HYDIN: variants seen among roughly 807,000 people sequenced by gnomAD.
HYDIN encodes the protein HYDIN axonemal central pair apparatus protein.
In HYDIN, 132 loss-of-function variants were observed where a neutral mutation model predicts 403.9. The observed-to-expected ratio is 0.33, with a 90% CI of 0.28 to 0.38. The LOEUF (loss-of-function observed/expected upper bound fraction) is 0.38, where lower values mean the gene tolerates loss of function less well. Among genes scored for constraint, HYDIN ranks in the 10% least tolerant of loss-of-function variants. The probability of loss-of-function intolerance (pLI) is 1.00; values close to 1 mark genes in which losing one functional copy is unlikely to be tolerated. For synonymous variants in HYDIN, 1,202 were observed against 1,891.7 expected (o/e 0.64, Z 9.46); for missense variants, 2,827 against 5,009.5 (o/e 0.56, Z 13.15).
intron 7 of HYDIN, among the ~76,000 whole-genome samples, chr16:71,151,112 A>G (rs2085520753): frequency 6.6e-6 from 1 of 152,180 alleles, no homozygotes; most frequent in Admixed American, 6.5e-5. Context: ...TGACACAACT[A>G]TCTTGGAAAA....
Position 71,211,310 on chromosome 16 carries a change from A to G in HYDIN, c.-24+19252T>C, listed in dbSNP as rs376120859. ...CATGAGCTAGGCTTGGGGTATTCCC[A>G]GACTAAAAGATGCTGAGGTACCTGG... is the stretch of plus-strand genomic sequence containing the variant. On this transcript the variant is annotated intron_variant, in intron 1 of 85. Transcript: ENST00000393567. Among the ~76,000 whole-genome samples, 95 of 152,328 alleles carry G rather than the reference A, an allele frequency of 6.2e-4. 1 individual carries two copies. In the South Asian group the frequency reaches 0.018, roughly 29 times the overall value.
intron 8 of HYDIN, among the ~76,000 whole-genome samples, chr16:71,134,130 C>T (rs1010447934): frequency 6.6e-6 from 1 of 151,926 alleles, no homozygotes; most frequent in African/African-American, 2.4e-5. Context: ...AAGAGATATC[C>T]AAGTCTTTGC....
intron 5 of HYDIN, among the ~76,000 whole-genome samples, chr16:71,172,699 A>G (rs1597944846): frequency 1.3e-5 from 2 of 152,320 alleles, no homozygotes; most frequent in South Asian, 2.1e-4. Context: ...ATACATGGGT[A>G]CTGAAAATCC....
chr16:70,892,604 T>G (rs1349026448), intron 55 of HYDIN, 75 bp from the exon 56 acceptor site: 23 of 1,517,866 alleles, frequency 1.5e-5, no homozygotes, highest in Non-Finnish European at 1.9e-5. Context: ...AGACTCTAGA[T>G]GGTTGAGTGC....
chr16:70,910,510 A>G (rs2076666704), intron 47 of HYDIN, among the ~76,000 whole-genome samples: 1 of 152,170 alleles, frequency 6.6e-6, no homozygotes, highest in Non-Finnish European at 1.5e-5. Flanking sequence ...TGGTTCCACC[A>G]TTTTGCAATT....
intron 29 of HYDIN, among the ~76,000 whole-genome samples, chr16:70,980,229 T>C (rs1473394496): frequency 1.3e-5 from 2 of 149,774 alleles, no homozygotes; most frequent in East Asian, 1.9e-4. Flanking sequence ...TTGCCAGGCA[T>C]TGTGGCTCAA....
chr16:70,825,091 CAAGTTTTGCTGTCATAA>C, intron 83 of HYDIN, among the ~76,000 whole-genome samples: 1 of 152,096 alleles, frequency 6.6e-6, no homozygotes, highest in Non-Finnish European at 1.5e-5. Context: ...CTTGCATGTC[CAAGTTTTGCTGTCATAA>C]GAGTTTTGTC....
intron 18 of HYDIN, among the ~76,000 whole-genome samples, chr16:71,033,523 A>C (rs2080985744): frequency 7.9e-5 from 12 of 152,060 alleles, no homozygotes; most frequent in Admixed American, 7.9e-4. Flanking sequence ...GCAAACAAAC[A>C]CAGGAACATA....
chr16:71,051,686 T>A (rs539899772), intron 18 of HYDIN, among the ~76,000 whole-genome samples: 1 of 151,056 alleles, frequency 6.6e-6, no homozygotes, highest in Non-Finnish European at 1.5e-5. Flanking sequence ...AAGAAACATT[T>A]GAGGCTTTTT....
intron 80 of HYDIN, among the ~76,000 whole-genome samples, chr16:70,830,967 CTGT>C (rs1443244745): frequency 1.3e-5 from 2 of 151,568 alleles, no homozygotes; most frequent in African/African-American, 2.4e-5. Context: ...GTTGTTATTA[CTGT>C]TGTTGTTTTG....
At chr16:70,894,887 T>C (rs1015631967) in intron 54 of HYDIN, among the ~76,000 whole-genome samples, 22 of 151,538 alleles carry the variant, frequency 1.5e-4, no homozygotes, top group Non-Finnish European at 2.7e-4. Flanking sequence ...TTTTACTTAG[T>C]ATTACTTCAT....
rs377506652 is a variant in HYDIN, at chr16:70,920,754, G to A, written c.7622C>T (p.Ala2541Val). ...CTCCCAGTCGCTCCGCTCCTCCAGG[G>A]CTCGCAGCTTCTCCAGGCGCTCCCG... Reference protein sequence around the residue: ...AERERLEKLRALEERSDWEGE... With the variant: ...AERERLEKLRVLEERSDWEGE... The change falls in exon 46 of 86, where the codon GCC becomes GTC. Residue 2541 changes from alanine (A) to valine (V), a missense_variant. Ala to Val is a moderately conservative substitution (Grantham distance 64). Coordinates refer to ENST00000393567, the MANE Select transcript of HYDIN (RefSeq NM_001270974.2). 74 of 1,567,250 alleles carry A rather than the reference G, an allele frequency of 4.7e-5. No homozygotes were observed. The African/African-American group carries it at 9.1e-4, about 19-fold the overall frequency.
intron 58 of HYDIN, among the ~76,000 whole-genome samples, chr16:70,885,621 C>G (rs1023555476): frequency 2.0e-5 from 3 of 151,440 alleles, no homozygotes; most frequent in Non-Finnish European, 4.4e-5. Flanking sequence ...AAGATCCAGG[C>G]TCTGACCATT....
intron 6 of HYDIN, among the ~76,000 whole-genome samples, chr16:71,161,689 G>A (rs1343187487): frequency 4.0e-5 from 6 of 151,650 alleles, no homozygotes; most frequent in Non-Finnish European, 7.4e-5. Context: ...AGTGAATCCA[G>A]GATTATCTCC....
chr16:70,904,454 T>TGA (rs2076472649), intron 50 of HYDIN, among the ~76,000 whole-genome samples: 2 of 120,582 alleles, frequency 1.7e-5, no homozygotes, highest in Non-Finnish European at 3.5e-5. Flanking sequence ...CTTATATCCC[T>TGA]GAGAGAGATT....
chr16:70,833,537 T>C (rs1483290466), intron 79 of HYDIN, among the ~76,000 whole-genome samples: 1 of 134,220 alleles, frequency 7.5e-6, no homozygotes, highest in Non-Finnish European at 1.6e-5. Context: ...GGCACTGGTA[T>C]CCCATGGCCC....
rs1480518919 is a variant in HYDIN, at chr16:70,904,651, C to T, written c.8517-587G>A. 2.1e-5 allele frequency among the ~76,000 whole-genome samples: 3 copies of T among 141,338 alleles called. No homozygotes were observed. In the South Asian group the frequency reaches 7.2e-4, roughly 34 times the overall value. 92.7% of individuals were successfully genotyped at this position (141,338 alleles called of 152,430 possible). The stretch of plus-strand genomic sequence containing the variant: ...AAGTAGCTGGGATTACAGGTGCATG[C>T]CACCACACCTGGCTAATTTTTTGTA... On this transcript the variant is annotated intron_variant, in intron 50 of 85. Transcript: ENST00000393567.
chr16:71,085,590 T>C (rs888103145), intron 12 of HYDIN, among the ~76,000 whole-genome samples: 1 of 152,198 alleles, frequency 6.6e-6, no homozygotes, highest in African/African-American at 2.4e-5. Context: ...AATTGTGTAT[T>C]TCTCCCTTCA....
In HYDIN at chr16:70,837,693, C is replaced by A. The variant is rs372923180; in HGVS notation, c.13239G>T (p.Met4413Ile). The A allele has an allele frequency of 2.5e-6, 4 of 1,613,876 alleles. No homozygotes were observed. In the African/African-American group the frequency reaches 5.3e-5, roughly 22 times the overall value. ...TVEIKGKGTK[M>I]KILVLDPANR... ...AGGCCTCCCGACTGTCTGTTACCTT[C>A]ATTTTGGTACCCTTCCCTTTGATTT... Residue 4413 changes from methionine (M) to isoleucine (I), a missense_variant, in exon 77 of 86, where the codon ATG becomes ATT. Met to Ile is a conservative substitution (Grantham distance 10). Transcript: ENST00000393567.
Sources: gnomAD v4.1 joint callset for allele counts (sites outside exome capture counted in the v4.1 genomes callset) on GRCh38, gnomAD v4.1.1 for gene constraint, MANE v1.5 for transcripts, NCBI Gene and HGNC (gene_info 2026-07-23, HGNC 2026-07-21) for gene names.